Variants in CAMK1D observed in about 807,000 individuals in gnomAD.
The protein encoded by CAMK1D is calcium/calmodulin-dependent protein kinase type 1D.
In CAMK1D, 9 loss-of-function variants were observed where a neutral mutation model predicts 47.7. The observed-to-expected ratio is 0.19, with a 90% confidence interval of 0.11 to 0.33. The LOEUF (loss-of-function observed/expected upper bound fraction) is 0.33. CAMK1D is among the 10% of genes least tolerant of loss of function. CAMK1D has a pLI of 1.00. For missense variants in CAMK1D, 291 were observed against 488.7 expected, an observed-to-expected ratio of 0.60 and a Z score of 3.81; for synonymous variants, 184 against 184.9, an observed-to-expected ratio of 0.99 and a Z score of 0.04.
chr10:12,602,051 T>C (rs898593911), intron 2 of CAMK1D, among the ~76,000 whole-genome samples: 1 of 152,224 alleles, frequency 6.6e-6, no homozygotes, highest in Non-Finnish European at 1.5e-5. Context: ...ATGCCTGTCT[T>C]ATGATTTGAA....
intron 2 of CAMK1D, among the ~76,000 whole-genome samples, chr10:12,603,191 G>A (rs919700036): frequency 3.3e-5 from 5 of 151,970 alleles, no homozygotes; most frequent in Admixed American, 2.0e-4. Context: ...ATGAGCCACC[G>A]CGCCTGGCCT....
At chr10:12,744,230 CAATT>C (rs943138312) in intron 3 of CAMK1D, among the ~76,000 whole-genome samples, 1 of 152,094 alleles carries the variant, frequency 6.6e-6, no homozygotes, top group African/African-American at 2.4e-5. Flanking sequence ...TTCCATTCAT[CAATT>C]GATAGACATT....
Position 12,349,882 on chromosome 10 carries a change from A to T in CAMK1D, c.64A>T (p.Ile22Phe). 6.5e-7 allele frequency: 1 copy of T among 1,548,214 alleles called. No individual in the cohort carries two copies. Among genetic ancestry groups the T allele is most frequent in the Non-Finnish European group, 8.7e-7 (1 of 1,146,692 alleles). The change falls in exon 1 of 11, where the codon ATC becomes TTC. Residue 22 changes from isoleucine to phenylalanine, a missense_variant. Transcript: ENST00000619168. ...AAAGCAAGCTGAAGACATCAAGAAG[A>T]TCTTCGAGTTCAAAGAGACCCTCGG... ...WKKQAEDIKK[I>F]FEFKETLGTG...
chr10:12,401,181 TTATATATATATTTTATATATATATAATA>T (rs1839188309), intron 1 of CAMK1D, among the ~76,000 whole-genome samples: 3 of 48,908 alleles, frequency 6.1e-5, no homozygotes, highest in African/African-American at 8.7e-5. Flanking sequence ...ATTATATATA[TTATATATATATTTTATATATATATAATA>T]TATGTATTAT....
chr10:12,827,612 C>G (rs941075202), intron 10 of CAMK1D, among the ~76,000 whole-genome samples: 8 of 67,700 alleles, frequency 1.2e-4, no homozygotes, highest in Non-Finnish European at 2.2e-4. Context: ...CTTCCCCTCC[C>G]CTCCTCTCTC....
chr10:12,685,315 A>G (rs1258858140), intron 3 of CAMK1D, among the ~76,000 whole-genome samples: 1 of 152,232 alleles, frequency 6.6e-6, no homozygotes, highest in Non-Finnish European at 1.5e-5. Flanking sequence ...ACGAACAAAC[A>G]AAAGCAATAG....
chr10:12,572,878 C>T (rs1411257598), intron 2 of CAMK1D, among the ~76,000 whole-genome samples: 1 of 152,108 alleles, frequency 6.6e-6, no homozygotes, highest in African/African-American at 2.4e-5. Context: ...AGCCATCCTC[C>T]CACTTTTCTT....
intron 2 of CAMK1D, among the ~76,000 whole-genome samples, chr10:12,649,050 T>C (rs1281675592): frequency 6.6e-6 from 1 of 152,080 alleles, no homozygotes; most frequent in East Asian, 1.9e-4. Flanking sequence ...AAAATGTTTT[T>C]ACAGACCGGG....
At chr10:12,757,491 G>A (rs1836284241) in intron 3 of CAMK1D, among the ~76,000 whole-genome samples, 2 of 152,090 alleles carry the variant, frequency 1.3e-5, no homozygotes, top group Admixed American at 1.3e-4. Context: ...TAACCAAACA[G>A]CCAACCTAAG....
At chr10:12,691,689 C>G (rs1343616129) in intron 3 of CAMK1D, among the ~76,000 whole-genome samples, 3 of 151,512 alleles carry the variant, frequency 2.0e-5, no homozygotes, top group Non-Finnish European at 4.4e-5. Context: ...CTGACCTTGT[C>G]ATCCGCCCGC....
intron 2 of CAMK1D, among the ~76,000 whole-genome samples, chr10:12,584,688 C>T (rs1022152198): frequency 3.3e-5 from 5 of 152,038 alleles, no homozygotes; most frequent in African/African-American, 4.8e-5. Context: ...GGCGTGGTGG[C>T]GTGCATTTGT....
chr10:12,572,416 C>T (rs559426177), intron 2 of CAMK1D, among the ~76,000 whole-genome samples: 1 of 152,242 alleles, frequency 6.6e-6, no homozygotes, highest in African/African-American at 2.4e-5. Context: ...GTTTGTATTT[C>T]ATTTGCTAGG....
chr10:12,724,846 C>T (rs1472901675), intron 3 of CAMK1D, among the ~76,000 whole-genome samples: 1 of 151,506 alleles, frequency 6.6e-6, no homozygotes, highest in Non-Finnish European at 1.5e-5. Flanking sequence ...CACTGCTGCA[C>T]TCCAGCCTGG....
chr10:12,493,287 CT>C (rs58300317), intron 1 of CAMK1D, among the ~76,000 whole-genome samples: 1 of 152,084 alleles, frequency 6.6e-6, no homozygotes, highest in Non-Finnish European at 1.5e-5. Flanking sequence ...GCAGGATTAC[CT>C]TTGGGGTGCT....
At chr10:12,733,721 G>A (rs933459572) in intron 3 of CAMK1D, among the ~76,000 whole-genome samples, 1 of 152,182 alleles carries the variant, frequency 6.6e-6, no homozygotes, top group Non-Finnish European at 1.5e-5. Context: ...TGTTTTGAAT[G>A]ACAGGGCGTG....
chr10:12,614,725 C>G (rs1278882987), intron 2 of CAMK1D, among the ~76,000 whole-genome samples: 2 of 152,178 alleles, frequency 1.3e-5, no homozygotes, highest in Non-Finnish European at 2.9e-5. Context: ...TCCAGGATAT[C>G]TGGTTACTAG....
chr10:12,523,062 C>G (rs1835486927), intron 1 of CAMK1D, among the ~76,000 whole-genome samples: 1 of 151,678 alleles, frequency 6.6e-6, no homozygotes, highest in Non-Finnish European at 1.5e-5. Flanking sequence ...CTCCTCACTT[C>G]TCAGTCGGGG....
At chr10:12,697,376 G>A (rs1033409594) in intron 3 of CAMK1D, among the ~76,000 whole-genome samples, 7 of 152,144 alleles carry the variant, frequency 4.6e-5, no homozygotes, top group African/African-American at 1.4e-4. Context: ...GAGCAGCAGC[G>A]TCGCTAAGTA....
chr10:12,656,492 T>C (rs1840118533), intron 2 of CAMK1D, among the ~76,000 whole-genome samples: 1 of 151,828 alleles, frequency 6.6e-6, no homozygotes, highest in South Asian at 2.1e-4. Context: ...AGACCCTGTT[T>C]CAAAAAAAAG....
Sources: gnomAD v4.1 joint callset for allele counts (sites outside exome capture counted in the v4.1 genomes callset) on GRCh38, gnomAD v4.1.1 for gene constraint, MANE v1.5 for transcripts, NCBI Gene and HGNC (gene_info 2026-07-23, HGNC 2026-07-21) for gene names.